AKAP6: variants seen among roughly 807,000 people sequenced by gnomAD.
AKAP6 encodes A-kinase anchoring protein 6.
A neutral mutation model predicts 188.5 loss-of-function variants in AKAP6; 58 were observed. The observed-to-expected ratio is 0.31, with a 90% CI of 0.25 to 0.38. The LOEUF (loss-of-function observed/expected upper bound fraction) is 0.38. Among genes scored for constraint, AKAP6 ranks in the 10% least tolerant of loss-of-function variants. The pLI is 1.00. For missense variants in AKAP6, 2,710 were observed against 2,740.0 expected (o/e 0.99, Z 0.24); for synonymous variants, 989 against 998.6 (o/e 0.99, Z 0.18).
chr14:32,533,239 A>T (rs915220288), intron 2 of AKAP6, among the ~76,000 whole-genome samples: 4 of 152,222 alleles, frequency 2.6e-5, no homozygotes, highest in Non-Finnish European at 1.5e-5. Context: ...GTAGAGGAGT[A>T]AAAGGGAAGA....
chr14:32,795,116 G>T (rs1266239463), intron 12 of AKAP6, among the ~76,000 whole-genome samples: 1 of 152,046 alleles, frequency 6.6e-6, no homozygotes, highest in Non-Finnish European at 1.5e-5. Context: ...GACCAATAAT[G>T]AGTTCTGAAA....
At chr14:32,471,172 G>C (rs897080481) in intron 2 of AKAP6, among the ~76,000 whole-genome samples, 2 of 152,064 alleles carry the variant, frequency 1.3e-5, no homozygotes, top group Non-Finnish European at 2.9e-5. Context: ...AAAACTTCAA[G>C]GCAGTTTTGT....
At position 32,782,732 on chromosome 14, in the gene AKAP6, T is replaced by TG; in HGVS notation, c.3588+8840dup. On this transcript the variant is annotated intron_variant, in intron 12 of 13. Transcript: ENST00000280979. ...CTGTATGCAAACAGCTACAAAATAT[T>TG]GCTGAGAGAAATTATTAACAAATAA... Among the ~76,000 whole-genome samples, 3 of 152,252 alleles carry TG rather than the reference T, an allele frequency of 2.0e-5. No homozygotes were observed. The Middle Eastern group carries it at 0.01, about 525-fold the overall frequency.
At chr14:32,572,531 G>A (rs1292155938) in intron 4 of AKAP6, among the ~76,000 whole-genome samples, 2 of 152,130 alleles carry the variant, frequency 1.3e-5, no homozygotes, top group African/African-American at 2.4e-5. Context: ...AAAGGTAACC[G>A]CCCAGACAGT....
At chr14:32,473,246 A>T (rs562155683) in intron 2 of AKAP6, among the ~76,000 whole-genome samples, 10 of 152,264 alleles carry the variant, frequency 6.6e-5, no homozygotes, top group Admixed American at 6.5e-4. Flanking sequence ...TGCAGTGAAG[A>T]TGGGAGAGAA....
chr14:32,762,087 T>C (rs2032558653), intron 11 of AKAP6, among the ~76,000 whole-genome samples: 1 of 152,180 alleles, frequency 6.6e-6, no homozygotes, highest in South Asian at 2.1e-4. Context: ...GAAAAGTATT[T>C]TGTAGTATAA....
At chr14:32,509,120 CTTTTTTT>C (rs368423502) in intron 2 of AKAP6, among the ~76,000 whole-genome samples, 31,109 of 94,848 alleles carry the variant, frequency 0.33, 4,208 homozygotes, top group African/African-American at 0.39. Context: ...TGCCCTGCCT[CTTTTTTT>C]TTTTTTTTTT....
chr14:32,804,362 C>T (rs1369329703), intron 12 of AKAP6, among the ~76,000 whole-genome samples: 5 of 152,192 alleles, frequency 3.3e-5, no homozygotes, highest in African/African-American at 7.2e-5. Flanking sequence ...AGGAATTTTA[C>T]AGCTGGGCTG....
At chr14:32,750,735 T>TTA (rs2032093426) in intron 11 of AKAP6, among the ~76,000 whole-genome samples, 1 of 77,360 alleles carries the variant, frequency 1.3e-5, no homozygotes. Context: ...TAAATTAATT[T>TTA]TGTTTTTTTT....
In AKAP6 at chr14:32,773,880, TGGGAAA is replaced by T. The variant is rs753903942; in HGVS notation, c.3578_3583del (p.Gly1193_Lys1194del). ...TGGCAAACACGTCTACAAAAGAAGATGGGAAAGGAATCTGTGAGTGATGCTTTTTTT... is the reference window on the plus strand; with the variant it reads ...TGGCAAACACGTCTACAAAAGAAGATGGAATCTGTGAGTGATGCTTTTTTT... On this transcript the variant is annotated inframe_deletion, in exon 12 of 14. Transcript: ENST00000280979. 1 of 1,613,986 alleles carries T rather than the reference TGGGAAA, an allele frequency of 6.2e-7. No homozygotes were observed. The highest frequency in any genetic ancestry group is 8.5e-7 in the Non-Finnish European group (1 of 1,179,906).
At chr14:32,779,765 T>C (rs995379166) in intron 12 of AKAP6, among the ~76,000 whole-genome samples, 1 of 151,856 alleles carries the variant, frequency 6.6e-6, no homozygotes, top group African/African-American at 2.4e-5. Context: ...ACCAGAAAAA[T>C]CAGTAAAGAT....
chr14:32,481,074 A>G (rs1216145719), intron 2 of AKAP6, among the ~76,000 whole-genome samples: 1 of 152,182 alleles, frequency 6.6e-6, no homozygotes, highest in East Asian at 1.9e-4. Flanking sequence ...TATAATTTTT[A>G]AAACATTTAT....
intron 1 of AKAP6, among the ~76,000 whole-genome samples, chr14:32,360,712 A>AGTGAGTGTGT (rs1555321256): frequency 2.2e-5 from 3 of 136,124 alleles, no homozygotes; most frequent in East Asian, 4.6e-4. Context: ...TTGGCCATTG[A>AGTGAGTGTGT]GTGTGTGTGT....
intron 1 of AKAP6, among the ~76,000 whole-genome samples, chr14:32,339,909 A>G (rs1886836960): frequency 1.3e-5 from 2 of 152,158 alleles, no homozygotes; most frequent in South Asian, 2.1e-4. Flanking sequence ...TGAATTTTGT[A>G]CCAAAGGCAT....
At chr14:32,478,966 T>C (rs2082386010) in intron 2 of AKAP6, among the ~76,000 whole-genome samples, 2 of 152,096 alleles carry the variant, frequency 1.3e-5, no homozygotes, top group African/African-American at 4.8e-5. Context: ...AGAAAATATT[T>C]TGGGGGGAGA....
At chr14:32,782,442 A>G (rs2033281960) in intron 12 of AKAP6, among the ~76,000 whole-genome samples, 1 of 152,164 alleles carries the variant, frequency 6.6e-6, no homozygotes, top group African/African-American at 2.4e-5. Context: ...AAGACATGCC[A>G]TTTGTCAATT....
intron 2 of AKAP6, among the ~76,000 whole-genome samples, chr14:32,505,098 G>C (rs1434878816): frequency 6.6e-6 from 1 of 152,228 alleles, no homozygotes; most frequent in South Asian, 2.1e-4. Context: ...GAAATGAAGA[G>C]TACAATCTAC....
rs1171269052 is a variant in AKAP6, at chr14:32,835,507, A to G, written c.*5702A>G. On this transcript the variant is annotated 3_prime_UTR_variant, in exon 14 of 14. Coordinates refer to ENST00000280979, the MANE Select transcript of AKAP6 (RefSeq NM_004274.5). ...CACAAACTCACTTCCATGCACCAGT[A>G]AACTGGAATCCTTTCTTTAAATGTT... 2 of 152,240 alleles carry G rather than the reference A, an allele frequency of 1.3e-5. No individual in the cohort carries two copies. Among genetic ancestry groups the G allele is most frequent in the Non-Finnish European group, 2.9e-5 (2 of 68,030 alleles). 9.4% of individuals were successfully genotyped at this position (152,240 alleles called of 1,614,324 possible). A position where few individuals can be genotyped will look rare whatever the true frequency, so the allele number is the denominator to read the frequency against.
intron 11 of AKAP6, among the ~76,000 whole-genome samples, chr14:32,740,724 C>T (rs1412452498): frequency 6.6e-6 from 1 of 151,790 alleles, no homozygotes; most frequent in East Asian, 1.9e-4. Flanking sequence ...CTGTTCCATT[C>T]GTCTATGTGT....
Sources: gnomAD v4.1 joint callset for allele counts (sites outside exome capture counted in the v4.1 genomes callset) on GRCh38, gnomAD v4.1.1 for gene constraint, MANE v1.5 for transcripts, NCBI Gene and HGNC (gene_info 2026-07-23, HGNC 2026-07-21) for gene names.